PBX3: variants seen among roughly 807,000 people sequenced by gnomAD.
PBX3 encodes the protein PBX homeobox 3, also known as pre-B-cell leukemia transcription factor 3.
PBX3 carries 14 observed loss-of-function variants against 48.5 expected under a neutral mutation model. The ratio of observed to expected loss-of-function variants is 0.29; its 90% CI spans 0.19 to 0.45. The LOEUF (loss-of-function observed/expected upper bound fraction) is 0.45. Among genes scored for constraint, PBX3 ranks in the 20% least tolerant of loss-of-function variants. The pLI is 1.00. For synonymous variants in PBX3, 210 were observed against 200.3 expected (o/e 1.05, Z -0.41); for missense variants, 386 against 546.7 (o/e 0.71, Z 2.93).
At chr9:125,907,070 G>A (rs1841091114) in intron 2 of PBX3, among the ~76,000 whole-genome samples, 1 of 151,976 alleles carries the variant, frequency 6.6e-6, no homozygotes. Context: ...CAACTATCAT[G>A]AGTGTTTCAT....
At chr9:125,843,007 A>G (rs1022470163) in intron 2 of PBX3, among the ~76,000 whole-genome samples, 2 of 152,036 alleles carry the variant, frequency 1.3e-5, no homozygotes, top group African/African-American at 4.8e-5. Context: ...CTTGGTTTTC[A>G]CGATAAAGAA....
rs2131969312 is a variant in PBX3, at chr9:125,759,075, G to C, written c.274+10452G>C. 6.6e-6 allele frequency among the ~76,000 whole-genome samples: 1 copy of C among 152,298 alleles called. No homozygotes were observed. Among genetic ancestry groups the C allele is most frequent in the East Asian group, 1.9e-4 (1 of 5,186 alleles). ...GAACTACTCAACTTAGGCAGAGAAA[G>C]TAGTGGAAATGGTTGATTCAAAGAT... On this transcript the variant is annotated intron_variant, in intron 2 of 8. Coordinates refer to ENST00000373489, the MANE Select transcript of PBX3 (RefSeq NM_006195.6). The surrounding 1 kb of genome is among the most constrained non-coding windows in gnomAD (Gnocchi z 4.2).
intron 5 of PBX3, among the ~76,000 whole-genome samples, chr9:125,937,347 AGT>A (rs2132534747): frequency 6.6e-6 from 1 of 152,184 alleles, no homozygotes; most frequent in African/African-American, 2.4e-5. Context: ...CCCACTTACC[AGT>A]GTGTTTTTTT....
chr9:125,765,153 G>T (rs926413343), intron 2 of PBX3, among the ~76,000 whole-genome samples: 30 of 142,880 alleles, frequency 2.1e-4, no homozygotes, highest in East Asian at 1.2e-3. Context: ...AAAGAAATTG[G>T]TTTTTTTTTT....
rs1440836045 is a variant in PBX3 at position 125,786,171 on chromosome 9, A to G, written c.274+37548A>G. ...GGTACTATGAGAAGGCCCAGTGAAT[A>G]TATCTCACAGGTAATTAGGTATAAG... On this transcript the variant is annotated intron_variant, in intron 2 of 8. Transcript: ENST00000373489. 2.6e-5 allele frequency among the ~76,000 whole-genome samples: 4 copies of G among 152,230 alleles called. No individual in the cohort carries two copies. In the East Asian group the frequency reaches 7.7e-4, roughly 29 times the overall value.
chr9:125,846,766 A>G (rs1839435513), intron 2 of PBX3, among the ~76,000 whole-genome samples: 1 of 152,112 alleles, frequency 6.6e-6, no homozygotes, highest in Non-Finnish European at 1.5e-5. Context: ...TATCATTATT[A>G]CACCAAAATA....
intron 5 of PBX3, among the ~76,000 whole-genome samples, chr9:125,942,551 A>T (rs928675318): frequency 2.6e-5 from 4 of 152,234 alleles, no homozygotes; most frequent in African/African-American, 7.2e-5. Flanking sequence ...AAAAAAGAAG[A>T]TGACTATCAA....
intron 2 of PBX3, among the ~76,000 whole-genome samples, chr9:125,823,873 C>T (rs1371081123): frequency 2.6e-5 from 4 of 152,014 alleles, no homozygotes; most frequent in Non-Finnish European, 4.4e-5. Context: ...GTCAGGAGTT[C>T]GAGACCAGCT....
At chr9:125,785,228 G>A (rs2132047335) in intron 2 of PBX3, among the ~76,000 whole-genome samples, 1 of 152,316 alleles carries the variant, frequency 6.6e-6, no homozygotes, top group South Asian at 2.1e-4. Context: ...TAGATAGCTG[G>A]TAGAGTATTG....
intron 2 of PBX3, among the ~76,000 whole-genome samples, chr9:125,803,468 A>G (rs760182900): frequency 3.9e-5 from 6 of 152,176 alleles, no homozygotes; most frequent in East Asian, 3.8e-4. Flanking sequence ...CATGAACTAC[A>G]TTTAGTTTTT....
At chr9:125,948,128 C>T (rs1004471260) in intron 5 of PBX3, among the ~76,000 whole-genome samples, 1 of 152,186 alleles carries the variant, frequency 6.6e-6, no homozygotes, top group African/African-American at 2.4e-5. Flanking sequence ...AAAGTGTCTG[C>T]AGTGGGGCTG....
At position 125,759,696 on chromosome 9, in the gene PBX3, G is replaced by T. The variant is rs768063823; in HGVS notation, c.274+11073G>T. ...CGTAGCTAGGAGCAGTTTGTGGACCGCGTCTGTGAACGCGGCTCATAATTG... is the reference window on the plus strand; with the variant it reads ...CGTAGCTAGGAGCAGTTTGTGGACCTCGTCTGTGAACGCGGCTCATAATTG... On this transcript the variant is annotated intron_variant, in intron 2 of 8. Coordinates refer to ENST00000373489, the MANE Select transcript of PBX3 (RefSeq NM_006195.6). The surrounding 1 kb of genome is among the most constrained non-coding windows in gnomAD (Gnocchi z 4.2). Among the ~76,000 whole-genome samples the T allele has an allele frequency of 2.6e-5, 4 of 152,156 alleles. No homozygotes were observed. Among genetic ancestry groups the T allele is most frequent in the Non-Finnish European group, 5.9e-5 (4 of 68,014 alleles).
chr9:125,891,427 G>A (rs191147193), intron 2 of PBX3, among the ~76,000 whole-genome samples: 3 of 152,328 alleles, frequency 2.0e-5, no homozygotes, highest in Admixed American at 1.3e-4. Context: ...CAGTCAAATG[G>A]ACAGTATTGG....
chr9:125,756,081 G>A (rs1176313032), intron 2 of PBX3, among the ~76,000 whole-genome samples: 1 of 152,016 alleles, frequency 6.6e-6, no homozygotes, highest in Non-Finnish European at 1.5e-5. Context: ...AAGTTGAATT[G>A]GGCTTCAGAA....
At chr9:125,950,999 G>A (rs1171906117) in intron 5 of PBX3, among the ~76,000 whole-genome samples, 1 of 152,142 alleles carries the variant, frequency 6.6e-6, no homozygotes, top group Non-Finnish European at 1.5e-5. Context: ...AGTTTTATCA[G>A]GTAAGACATA....
chr9:125,827,961 A>T (rs916093869), intron 2 of PBX3, among the ~76,000 whole-genome samples: 2 of 152,142 alleles, frequency 1.3e-5, no homozygotes, highest in African/African-American at 4.8e-5. Context: ...TTTGTTCTGG[A>T]ACTACGCATT....
chr9:125,847,390 A>G (rs989700202), intron 2 of PBX3, among the ~76,000 whole-genome samples: 8 of 152,020 alleles, frequency 5.3e-5, no homozygotes, highest in Non-Finnish European at 1.2e-4. Flanking sequence ...AGGTGAATTG[A>G]TTAAATTATG....
chr9:125,816,833 A>C (rs551666205), intron 2 of PBX3, among the ~76,000 whole-genome samples: 20 of 152,250 alleles, frequency 1.3e-4, no homozygotes, highest in Non-Finnish European at 2.4e-4. Flanking sequence ...TACCTTCTTT[A>C]ACATAGAATC....
chr9:125,964,862 G>C (rs1842498868), intron 8 of PBX3, among the ~76,000 whole-genome samples: 2 of 152,184 alleles, frequency 1.3e-5, no homozygotes. Context: ...ATAGATGTGA[G>C]GGAGGCAGGA....
Sources: allele counts gnomAD v4.1 joint callset (sites outside exome capture counted in the v4.1 genomes callset), GRCh38; gene constraint gnomAD v4.1.1; non-coding constraint Gnocchi (gnomAD v3.1); transcripts MANE v1.5; gene names NCBI Gene and HGNC (gene_info 2026-07-23, HGNC 2026-07-21).